The following ATXN2 variants were observed in gnomAD, a reference collection of about 807,000 sequenced individuals.
ATXN2 encodes ataxin-2.
ATXN2 carries 37 observed loss-of-function variants against 138.6 expected under a neutral mutation model. The ratio of observed to expected loss-of-function variants is 0.27; its 90% CI spans 0.21 to 0.35. ATXN2 has a LOEUF of 0.35. ATXN2 is among the 10% of genes least tolerant of loss of function. The pLI is 1.00. For synonymous variants in ATXN2, 549 were observed against 543.7 expected, an observed-to-expected ratio of 1.01 and a Z score of -0.13; for missense variants, 1,216 against 1,480.3, an observed-to-expected ratio of 0.82 and a Z score of 2.93.
chr12:111,495,815 C>G (rs1878387719), intron 14 of ATXN2, among the ~76,000 whole-genome samples: 1 of 152,060 alleles, frequency 6.6e-6, no homozygotes. Flanking sequence ...ATGGATTGCT[C>G]TCAAAGATAG....
intron 14 of ATXN2, 147 bp from the exon 15 acceptor site, chr12:111,488,927 T>A: frequency 1.4e-6 from 1 of 722,236 alleles, no homozygotes; most frequent in Non-Finnish European, 2.2e-6. Context: ...ATGCTTTTAC[T>A]ATAAACTAAC....
intron 21 of ATXN2, among the ~76,000 whole-genome samples, chr12:111,458,598 C>T (rs545948110): frequency 6.6e-6 from 1 of 152,316 alleles, no homozygotes; most frequent in South Asian, 2.1e-4. Context: ...TAGTTCCCAG[C>T]CCTCTCTTGA....
chr12:111,554,554 A>C (rs910325459), intron 2 of ATXN2, among the ~76,000 whole-genome samples: 3 of 152,210 alleles, frequency 2.0e-5, no homozygotes, highest in African/African-American at 7.2e-5. Flanking sequence ...AAGGAACAGA[A>C]GGTCAGGTTT....
chr12:111,519,736 C>T, intron 8 of ATXN2, 143 bp downstream of exon 8: 1 of 1,411,740 alleles, frequency 7.1e-7, no homozygotes, highest in Non-Finnish European at 9.5e-7. Flanking sequence ...ATAACCTTTT[C>T]TCTAACAGAT....
At chr12:111,473,481 T>C (rs10849952) in intron 18 of ATXN2, among the ~76,000 whole-genome samples, 10,910 of 152,130 alleles carry the variant, frequency 0.072, 1,348 homozygotes, top group East Asian at 0.57. Context: ...CAGCTGGATA[T>C]GGGAAAGTTT....
chr12:111,571,425 AG>A (rs1883306488), intron 1 of ATXN2, among the ~76,000 whole-genome samples: 1 of 152,184 alleles, frequency 6.6e-6, no homozygotes, highest in Non-Finnish European at 1.5e-5. Flanking sequence ...TAAGTTCTAC[AG>A]GAAGTTTTTA....
Position 111,452,643 on chromosome 12 carries a change from G to A in ATXN2, c.*169C>T. 2 of 785,228 alleles carry A rather than the reference G, an allele frequency of 2.5e-6. No individual in the cohort carries two copies. Among genetic ancestry groups the A allele is most frequent in the South Asian group, 3.4e-5 (2 of 59,454 alleles). 48.6% of individuals were successfully genotyped at this position (785,228 alleles called of 1,614,324 possible). A position where few individuals can be genotyped will look rare whatever the true frequency, so the allele number is the denominator to read the frequency against. Reference sequence around the variant, plus strand: ...TCCTAAATGCCTCTACTCGGTCCAAGTATCTTCCACTGCAAGTGAACTGTT... The same window carrying A: ...TCCTAAATGCCTCTACTCGGTCCAAATATCTTCCACTGCAAGTGAACTGTT... On this transcript the variant is annotated 3_prime_UTR_variant, in exon 25 of 25. Transcript: ENST00000673436.
intron 1 of ATXN2, among the ~76,000 whole-genome samples, chr12:111,566,238 G>A (rs1197281332): frequency 6.6e-6 from 1 of 151,928 alleles, no homozygotes; most frequent in Admixed American, 6.6e-5. Flanking sequence ...TTCAAGACCA[G>A]CCTGACCAAC....
chr12:111,507,492 T>G (rs1352261549), intron 14 of ATXN2, among the ~76,000 whole-genome samples: 7 of 147,746 alleles, frequency 4.7e-5, no homozygotes, highest in Non-Finnish European at 1.0e-4. Flanking sequence ...GGGAGGGAGG[T>G]GGGGGTCAGC....
chr12:111,479,521 C>G (rs1375376290), intron 18 of ATXN2, among the ~76,000 whole-genome samples: 1 of 149,730 alleles, frequency 6.7e-6, no homozygotes, highest in Admixed American at 6.7e-5. Flanking sequence ...GGACACAGAA[C>G]AAGACTCCAT....
At chr12:111,520,509 G>A (rs574652598) in intron 7 of ATXN2, among the ~76,000 whole-genome samples, 1 of 152,208 alleles carries the variant, frequency 6.6e-6, no homozygotes, top group East Asian at 1.9e-4. Context: ...AAATTAGATG[G>A]GCATGGTAGC....
At chr12:111,548,139 G>GC (rs1566057383) in intron 5 of ATXN2, among the ~76,000 whole-genome samples, 1 of 151,936 alleles carries the variant, frequency 6.6e-6, no homozygotes, top group Non-Finnish European at 1.5e-5. Context: ...GTTGCAGTGC[G>GC]CCAAGATCAC....
Position 111,486,774 on chromosome 12 carries a change from C to T in ATXN2, c.2291G>A (p.Arg764His). 1 of 1,612,078 alleles carries T rather than the reference C, an allele frequency of 6.2e-7. No homozygotes were observed. The highest frequency in any genetic ancestry group is 8.5e-7 in the Non-Finnish European group (1 of 1,178,670). Residue 764 changes from arginine to histidine, a missense_variant, in exon 16 of 25, where the codon CGT becomes CAT. Transcript: ENST00000673436. ...TAATAAACCTACCTGAGAGAAGGAA[C>T]GTGGGTTGAACTCCTTTGCATTGGG... ...LNPNAKEFNP[R>H]SFSQPKPSTT...
At chr12:111,555,476 T>G (rs1443832750) in intron 2 of ATXN2, among the ~76,000 whole-genome samples, 1 of 152,102 alleles carries the variant, frequency 6.6e-6, no homozygotes, top group Admixed American at 6.5e-5. Context: ...TCTCAGGAGA[T>G]CTGATGGTTT....
intron 6 of ATXN2, among the ~76,000 whole-genome samples, chr12:111,524,840 C>T (rs1880391810): frequency 6.6e-6 from 1 of 152,208 alleles, no homozygotes; most frequent in Non-Finnish European, 1.5e-5. Flanking sequence ...TAAGACACCA[C>T]TTTCCTTAGG....
intron 1 of ATXN2, among the ~76,000 whole-genome samples, chr12:111,566,944 T>C (rs558083987): frequency 3.9e-5 from 6 of 152,146 alleles, no homozygotes; most frequent in African/African-American, 1.2e-4. Context: ...AACCAGGAAA[T>C]TGCTTCTAAT....
intron 1 of ATXN2, among the ~76,000 whole-genome samples, chr12:111,591,013 C>T (rs1467954234): frequency 2.6e-5 from 4 of 151,966 alleles, no homozygotes; most frequent in East Asian, 3.9e-4. Flanking sequence ...CCTCGGCCTC[C>T]GGAGTAGCTG....
chr12:111,458,618 C>T (rs571509086), intron 21 of ATXN2, among the ~76,000 whole-genome samples: 1 of 152,186 alleles, frequency 6.6e-6, no homozygotes, highest in Non-Finnish European at 1.5e-5. Flanking sequence ...AGAAACAAAT[C>T]CTAAAATCCC....
intron 1 of ATXN2, among the ~76,000 whole-genome samples, chr12:111,556,890 T>C (rs1000424007): frequency 1.4e-4 from 21 of 150,970 alleles, no homozygotes; most frequent in African/African-American, 4.6e-4. Context: ...ATAAGCTAAA[T>C]CATTCAAAGC....
Sources: gnomAD v4.1 joint callset for allele counts (sites outside exome capture counted in the v4.1 genomes callset) on GRCh38, gnomAD v4.1.1 for gene constraint, MANE v1.5 for transcripts, NCBI Gene and HGNC (gene_info 2026-07-23, HGNC 2026-07-21) for gene names.